TMCO6: variants seen among roughly 807,000 people sequenced by gnomAD.
TMCO6 encodes the protein transmembrane and coiled-coil domain-containing protein 6.
A neutral mutation model predicts 61.8 loss-of-function variants in TMCO6; 47 were observed. The observed-to-expected ratio is 0.76, with a 90% CI of 0.60 to 0.97. The LOEUF (loss-of-function observed/expected upper bound fraction) is 0.97, where lower values mean the gene tolerates loss of function less well. Ranked by LOEUF, TMCO6 falls within the 50% of genes least tolerant of loss-of-function variation. The probability of loss-of-function intolerance (pLI) is 0.00; values close to 1 mark genes in which losing one functional copy is unlikely to be tolerated. For missense variants in TMCO6, 557 were observed against 601.6 expected (o/e 0.93, Z 0.78); for synonymous variants, 261 against 254.2 (o/e 1.03, Z -0.25).
At chr5:140,610,910 T>G in the TMCO6 span, among the ~76,000 whole-genome samples, 1 of 152,214 alleles carries the variant, frequency 6.6e-6, no homozygotes, top group Non-Finnish European at 1.5e-5. Flanking sequence ...TTTTGTTGAG[T>G]GTTTTTTCGT....
chr5:140,627,730 CTT>C, the TMCO6 span, among the ~76,000 whole-genome samples: 38 of 143,506 alleles, frequency 2.6e-4, no homozygotes, highest in African/African-American at 2.3e-4. Context: ...TTTTTCTTTT[CTT>C]TTTTTTTTTT....
chr5:140,647,353 A>T, downstream of TMCO6: 1 of 1,609,716 alleles, frequency 6.2e-7, no homozygotes, highest in Non-Finnish European at 8.5e-7. Flanking sequence ...AGCGTTTCTC[A>T]ATGAAGTCCC....
chr5:140,643,488 C>T (rs146774984), intron 7 of TMCO6, 76 bp from the exon 8 acceptor site: 23 of 1,385,870 alleles, frequency 1.7e-5, no homozygotes, highest in Admixed American at 5.0e-5. Flanking sequence ...TAAGCCACCA[C>T]GCCTAGGCAA....
chr5:140,645,022 C>T lies in TMCO6; in HGVS notation c.1406C>T (p.Ala469Val). 1 of 1,614,212 alleles carries T rather than the reference C, an allele frequency of 6.2e-7. No homozygotes were observed. Among genetic ancestry groups the T allele is most frequent in the Non-Finnish European group, 8.5e-7 (1 of 1,180,044 alleles). ...TTCCTGCAGCAGTCAGGGCTGCAAG[C>T]CCTGGAAAGGCATCAGGAAGAGGCC... ...QVFLQQSGLQ[A>V]LERHQEEAQL... The change falls in exon 12 of 12, where the codon GCC (alanine) becomes GTC (valine). Residue 469 changes from alanine (A) to valine (V), a missense_variant. Physicochemically the swap from Ala to Val is moderately conservative, Grantham distance 64. Transcript: ENST00000394671.
chr5:140,601,527 G>A, the TMCO6 span, among the ~76,000 whole-genome samples: 2 of 152,174 alleles, frequency 1.3e-5, no homozygotes, highest in East Asian at 1.9e-4. Flanking sequence ...CTCTAAGACC[G>A]TTGTTTTGAC....
chr5:140,598,769 A>T, the TMCO6 span, among the ~76,000 whole-genome samples: 1 of 152,142 alleles, frequency 6.6e-6, no homozygotes, highest in South Asian at 2.1e-4. Context: ...CCCAGTCTCT[A>T]TTAAAACTAC....
At chr5:140,638,456 A>G (rs958840912), upstream of TMCO6, among the ~76,000 whole-genome samples, 1 of 152,204 alleles carries the variant, frequency 6.6e-6, no homozygotes, top group African/African-American at 2.4e-5. Flanking sequence ...AGAAAAAGGA[A>G]AACAAAAGTG....
chr5:140,643,123 G>C lies in TMCO6; in HGVS notation c.806+82G>C. The C allele has an allele frequency of 3.1e-6, 5 of 1,587,914 alleles. No homozygotes were observed. In the East Asian group the frequency reaches 9.0e-5, roughly 29 times the overall value. ...ATTCAACTCTTTGAACTTGTGTCTG[G>C]AATTGCTATAGTGAGTTTTCCTCCC... On this transcript the variant is annotated intron_variant, in intron 7 of 11. Coordinates refer to ENST00000394671, the MANE Select transcript of TMCO6 (RefSeq NM_018502.5).
At chr5:140,634,205 T>G in the TMCO6 span, among the ~76,000 whole-genome samples, 2 of 152,142 alleles carry the variant, frequency 1.3e-5, no homozygotes, top group African/African-American at 4.8e-5. Context: ...TTGAATCAGT[T>G]TTCCCACTTG....
At chr5:140,597,109 C>T in the TMCO6 span, among the ~76,000 whole-genome samples, 1 of 152,178 alleles carries the variant, frequency 6.6e-6, no homozygotes, top group South Asian at 2.1e-4. Flanking sequence ...CTAGCCTTTT[C>T]AGCAAAAGGA....
chr5:140,619,593 C>T, the TMCO6 span, among the ~76,000 whole-genome samples: 3 of 151,968 alleles, frequency 2.0e-5, no homozygotes, highest in Admixed American at 6.6e-5. Flanking sequence ...CACAACTCTC[C>T]CTCCCAAATA....
At chr5:140,623,114 T>C in the TMCO6 span, among the ~76,000 whole-genome samples, 1 of 152,254 alleles carries the variant, frequency 6.6e-6, no homozygotes, top group South Asian at 2.1e-4. Flanking sequence ...AGAAACTAAG[T>C]TGTATGTAAG....
chr5:140,646,079 C>T (rs1376708523), downstream of TMCO6, among the ~76,000 whole-genome samples: 1 of 150,830 alleles, frequency 6.6e-6, no homozygotes, highest in Non-Finnish European at 1.5e-5. Context: ...GGCACGATCT[C>T]CACTCACTGC....
chr5:140,616,174 G>T, the TMCO6 span, among the ~76,000 whole-genome samples: 1 of 147,448 alleles, frequency 6.8e-6, no homozygotes, highest in Non-Finnish European at 1.5e-5. Flanking sequence ...GTGAAAAAAA[G>T]CTTCATTAGA....
At chr5:140,632,913 G>T in the TMCO6 span, 3 of 1,614,076 alleles carry the variant, frequency 1.9e-6, no homozygotes, top group African/African-American at 4.0e-5. This position sits in a 1 kb window ranked among gnomAD's most constrained non-coding sequence, Gnocchi z 6.2. Context: ...CAGCTCACAA[G>T]GTTCTGGCGT....
chr5:140,647,248 G>A (rs546569789), downstream of TMCO6: 5 of 1,540,016 alleles, frequency 3.2e-6, no homozygotes, highest in African/African-American at 6.9e-5. Context: ...CTGGCGTCCC[G>A]CACTCACCGT....
chr5:140,617,625 T>A, the TMCO6 span, among the ~76,000 whole-genome samples: 2 of 151,700 alleles, frequency 1.3e-5, no homozygotes, highest in African/African-American at 4.9e-5. Flanking sequence ...TTTTAGCTAC[T>A]CGGGAGGCTG....
the TMCO6 span, among the ~76,000 whole-genome samples, chr5:140,598,569 T>C: frequency 6.6e-6 from 1 of 152,236 alleles, no homozygotes; most frequent in Non-Finnish European, 1.5e-5. Flanking sequence ...CAGTATCTTT[T>C]GTTCCAATAA....
At chr5:140,647,361 C>A, downstream of TMCO6, 2 of 1,610,350 alleles carry the variant, frequency 1.2e-6, no homozygotes, top group Non-Finnish European at 1.7e-6. Context: ...TCAATGAAGT[C>A]CCTGCGGGGC....
Sources: gnomAD v4.1 joint callset for allele counts (sites outside exome capture counted in the v4.1 genomes callset) on GRCh38, gnomAD v4.1.1 for gene constraint, Gnocchi (gnomAD v3.1) non-coding constraint, MANE v1.5 for transcripts, NCBI Gene and HGNC (gene_info 2026-07-23, HGNC 2026-07-21) for gene names.